DIXDC1: variants seen among roughly 807,000 people sequenced by gnomAD.
DIXDC1 encodes dixin.
A neutral mutation model predicts 103.1 loss-of-function variants in DIXDC1; 64 were observed. The ratio of observed to expected loss-of-function variants is 0.62; its 90% confidence interval spans 0.51 to 0.76. The LOEUF is 0.76. Ranked by LOEUF, DIXDC1 falls within the 30% of genes least tolerant of loss-of-function variation. The pLI is 0.00. For synonymous variants in DIXDC1, 266 were observed against 298.5 expected (o/e 0.89, Z 1.12); for missense variants, 759 against 834.2 (o/e 0.91, Z 1.11).
intron 17 of DIXDC1, among the ~76,000 whole-genome samples, chr11:112,002,261 A>AG (rs1491471617): frequency 8.2e-6 from 1 of 122,462 alleles, no homozygotes; most frequent in Non-Finnish European, 1.6e-5. Flanking sequence ...CAGGCATGTG[A>AG]AAAAAAAAAA....
At chr11:111,982,293 TCA>T in intron 6 of DIXDC1, 44 bp from the exon 7 acceptor site, 1 of 1,588,496 alleles carries the variant, frequency 6.3e-7, no homozygotes, top group Non-Finnish European at 8.6e-7. Flanking sequence ...CTGCTGGAAA[TCA>T]GTTTTCTTCA....
intron 1 of DIXDC1, among the ~76,000 whole-genome samples, chr11:111,959,624 CA>C (rs1311418334): frequency 1.4e-4 from 21 of 152,218 alleles, no homozygotes; most frequent in African/African-American, 4.8e-4. Flanking sequence ...AAAACTCAGG[CA>C]AAGGCACCAC....
At chr11:111,982,617 T>G in intron 7 of DIXDC1, 130 bp downstream of exon 7, 2 of 1,008,668 alleles carry the variant, frequency 2.0e-6, no homozygotes, top group Non-Finnish European at 2.9e-6. Context: ...ATATAGGGAA[T>G]AGCACAGAAA....
chr11:112,018,059 C>G (rs1362942329), intron 19 of DIXDC1, among the ~76,000 whole-genome samples, 174 bp downstream of exon 19: 1 of 152,174 alleles, frequency 6.6e-6, no homozygotes, highest in African/African-American at 2.4e-5. Context: ...TAGAATAGTC[C>G]AAGATGCTGA....
chr11:111,974,807 C>A, intron 4 of DIXDC1, 69 bp from the exon 5 acceptor site: 1 of 1,573,548 alleles, frequency 6.4e-7, no homozygotes. Flanking sequence ...GGCAGTCTCT[C>A]TGTACTTGTT....
intron 10 of DIXDC1, 36 bp downstream of exon 10, chr11:111,989,091 C>T (rs781939081): frequency 3.2e-6 from 5 of 1,544,978 alleles, no homozygotes; most frequent in Non-Finnish European, 4.4e-6. Context: ...TAAATAAAGT[C>T]TCTGCAATGT....
chr11:112,011,372 C>T (rs1355326988), intron 17 of DIXDC1, among the ~76,000 whole-genome samples: 1 of 152,172 alleles, frequency 6.6e-6, no homozygotes, highest in Non-Finnish European at 1.5e-5. Context: ...TAAATTAGTT[C>T]AACCATTGTG....
chr11:111,930,738 G>T (rs1965982162), intron 2 of DIXDC1, among the ~76,000 whole-genome samples: 1 of 151,992 alleles, frequency 6.6e-6, no homozygotes, highest in Non-Finnish European at 1.5e-5. Context: ...AGTGGCTTAT[G>T]CCTGTAATCC....
At chr11:111,953,971 T>C (rs1966864169) in intron 1 of DIXDC1, among the ~76,000 whole-genome samples, 1 of 152,074 alleles carries the variant, frequency 6.6e-6, no homozygotes, top group African/African-American at 2.4e-5. Flanking sequence ...TTTTTTGTCA[T>C]TATTCCCTAA....
At chr11:111,941,685 A>T (rs2137444983) in intron 1 of DIXDC1, among the ~76,000 whole-genome samples, 1 of 151,778 alleles carries the variant, frequency 6.6e-6, no homozygotes, top group African/African-American at 2.4e-5. Flanking sequence ...GCATGGTGGC[A>T]TGCATACCTG....
chr11:111,967,856 C>T (rs1859789302), intron 2 of DIXDC1, among the ~76,000 whole-genome samples: 1 of 152,220 alleles, frequency 6.6e-6, no homozygotes, highest in Admixed American at 6.5e-5. Context: ...GAAAGCCCCG[C>T]CTGCCCTGGC....
intron 1 of DIXDC1, among the ~76,000 whole-genome samples, chr11:111,946,082 G>A (rs1296664470): frequency 2.0e-5 from 3 of 150,846 alleles, no homozygotes; most frequent in South Asian, 2.1e-4. Context: ...GATTATAGGC[G>A]CCTGCCACCA....
intron 1 of DIXDC1, among the ~76,000 whole-genome samples, chr11:111,941,647 C>T (rs1196937308): frequency 2.6e-5 from 4 of 151,550 alleles, no homozygotes; most frequent in African/African-American, 9.7e-5. Context: ...GAGACCCTGT[C>T]TCTACAGTTA....
chr11:111,936,845 AGTGTGTGTGTGTGTGTGTGT>A (rs57332873), upstream of DIXDC1, among the ~76,000 whole-genome samples: 1 of 140,756 alleles, frequency 7.1e-6, no homozygotes, highest in East Asian at 2.2e-4. Context: ...TTAAGTTAGC[AGTGTGTGTGTGTGTGTGTGT>A]GTGTGTGTGT....
chr11:111,955,434 A>AGG (rs1174226684), intron 1 of DIXDC1, among the ~76,000 whole-genome samples: 1 of 151,958 alleles, frequency 6.6e-6, no homozygotes, highest in Admixed American at 6.6e-5. Flanking sequence ...AGAGTACTAG[A>AGG]TGAGGAGTCT....
At chr11:111,950,706 T>A (rs1437726047) in intron 1 of DIXDC1, among the ~76,000 whole-genome samples, 6 of 151,954 alleles carry the variant, frequency 3.9e-5, no homozygotes, top group Non-Finnish European at 8.8e-5. Context: ...TCCACCTGCC[T>A]CAGCCTCCCA....
At chr11:111,963,817 A>G (rs1555171250) in intron 1 of DIXDC1, among the ~76,000 whole-genome samples, 1 of 152,234 alleles carries the variant, frequency 6.6e-6, no homozygotes, top group East Asian at 1.9e-4. Flanking sequence ...ACTGGGCCCT[A>G]GCTTTGTCTA....
At chr11:111,975,759 G>A (rs1310830421) in intron 5 of DIXDC1, 2 of 985,222 alleles carry the variant, frequency 2.0e-6, no homozygotes, top group Non-Finnish European at 2.4e-6. Flanking sequence ...ATTGTTCCTT[G>A]TCTTGTATGT....
intron 17 of DIXDC1, among the ~76,000 whole-genome samples, chr11:112,007,619 C>G (rs1861277419): frequency 6.6e-6 from 1 of 152,216 alleles, no homozygotes; most frequent in Non-Finnish European, 1.5e-5. Context: ...TCGACAGAAA[C>G]TCTACAAGCC....
Sources: allele counts gnomAD v4.1 joint callset (sites outside exome capture counted in the v4.1 genomes callset), GRCh38; gene constraint gnomAD v4.1.1; transcripts MANE v1.5; gene names NCBI Gene and HGNC (gene_info 2026-07-23, HGNC 2026-07-21).